SYNE3: variants seen among roughly 807,000 people sequenced by gnomAD.
SYNE3 encodes spectrin repeat containing nuclear envelope family member 3.
In SYNE3, 100 loss-of-function variants were observed where a neutral mutation model predicts 111.2. That is an observed-to-expected ratio of 0.90 (90% confidence interval 0.77 to 1.06). The LOEUF (loss-of-function observed/expected upper bound fraction) is 1.06, where lower values mean the gene tolerates loss of function less well. Ranked by LOEUF, SYNE3 falls within the 50% of genes least tolerant of loss-of-function variation. The pLI is 0.00. For missense variants in SYNE3, 1,160 were observed against 1,240.3 expected (o/e 0.94, Z 0.97); for synonymous variants, 547 against 533.9 (o/e 1.02, Z -0.34).
intron 17 of SYNE3, among the ~76,000 whole-genome samples, chr14:95,421,813 C>T (rs563458925): frequency 9.8e-5 from 15 of 152,326 alleles, no homozygotes; most frequent in East Asian, 7.7e-4. Context: ...AAGACCCTCA[C>T]GTCCTATCGC....
At chr14:95,445,855 T>TGCTCCAGCCCCGTGGCC in intron 9 of SYNE3, 54 bp downstream of exon 9, 2 of 1,588,748 alleles carry the variant, frequency 1.3e-6, no homozygotes, top group South Asian at 2.2e-5. Context: ...CCCCAGTGGG[T>TGCTCCAGCCCCGTGGCC]GCTCCAGCCC....
At position 95,485,122 on chromosome 14, in the gene SYNE3, T is replaced by C. The variant is rs536936899; in HGVS notation, c.-14-9287A>G. ...GAACAGATGATTCTAACCATGGGCGTGAGTGTGTATTTGGCAAATTCATCC... is the reference window on the plus strand; with the variant it reads ...GAACAGATGATTCTAACCATGGGCGCGAGTGTGTATTTGGCAAATTCATCC... On this transcript the variant is annotated intron_variant, in intron 1 of 17. Coordinates refer to ENST00000682763, the MANE Select transcript of SYNE3 (RefSeq NM_152592.6). This position sits in a 1 kb window ranked among gnomAD's most constrained non-coding sequence, Gnocchi z 4.3. 3.4e-3 allele frequency among the ~76,000 whole-genome samples: 514 copies of C among 152,296 alleles called. 2 individuals are homozygous for C. Among genetic ancestry groups the C allele is most frequent in the African/African-American group, 0.012 (491 of 41,562 alleles).
chr14:95,451,298 G>A (rs572210147), intron 7 of SYNE3: 3 of 152,328 alleles, frequency 2.0e-5, no homozygotes, highest in Admixed American at 6.5e-5. Context: ...CCAGGCACCT[G>A]GAAGAAGCAA....
chr14:95,483,102 A>G (rs1365914807), intron 1 of SYNE3, among the ~76,000 whole-genome samples: 10 of 152,064 alleles, frequency 6.6e-5, no homozygotes, highest in East Asian at 1.9e-4. Flanking sequence ...AGGGAAACCA[A>G]CTGAGCCCCC....
At chr14:95,453,043 T>C (rs886970973) in intron 6 of SYNE3, among the ~76,000 whole-genome samples, 46 of 152,190 alleles carry the variant, frequency 3.0e-4, no homozygotes, top group African/African-American at 1.0e-3. Flanking sequence ...AGCCCCTTGC[T>C]TGGCCCTGCT....
At position 95,417,467 on chromosome 14, in the gene SYNE3, G is replaced by A. The variant is rs1049363334; in HGVS notation, c.*359C>T. 2 of 314,640 alleles carry A rather than the reference G, an allele frequency of 6.4e-6. No homozygotes were observed. The highest frequency in any genetic ancestry group is 8.5e-5 in the Admixed American group (2 of 23,540). 19.5% of individuals were successfully genotyped at this position (314,640 alleles called of 1,614,324 possible). A position where few individuals can be genotyped will look rare whatever the true frequency, so the allele number is the denominator to read the frequency against. The stretch of plus-strand genomic sequence containing the variant: ...TTGTTCTTGCTTTCTAGGGTTGACT[G>A]CAGACCAAGTCAACAATACCACAAA... On this transcript the variant is annotated 3_prime_UTR_variant, in exon 18 of 18. Transcript: ENST00000682763.
chr14:95,466,475 T>C (rs1419619472), intron 3 of SYNE3, among the ~76,000 whole-genome samples: 1 of 152,100 alleles, frequency 6.6e-6, no homozygotes, highest in African/African-American at 2.4e-5. Flanking sequence ...TGCGTGAGGG[T>C]AGGAGCCAGG....
chr14:95,429,420 C>A (rs936660003), intron 17 of SYNE3, among the ~76,000 whole-genome samples: 2 of 152,152 alleles, frequency 1.3e-5, no homozygotes, highest in Non-Finnish European at 2.9e-5. Context: ...GGTCCCCAGG[C>A]CCCCAGCAGC....
chr14:95,481,335 A>C (rs1396231019), intron 1 of SYNE3, among the ~76,000 whole-genome samples: 1 of 152,228 alleles, frequency 6.6e-6, no homozygotes, highest in African/African-American at 2.4e-5. Flanking sequence ...GTCAAGGTCC[A>C]ATCAGCAGAG....
chr14:95,468,613 C>T (rs1488437522), intron 2 of SYNE3, among the ~76,000 whole-genome samples: 1 of 152,226 alleles, frequency 6.6e-6, no homozygotes, highest in African/African-American at 2.4e-5. Flanking sequence ...TTAGAACCCA[C>T]AGCTGTCTGA....
chr14:95,449,806 G>A (rs937047375), intron 8 of SYNE3, 125 bp downstream of exon 8: 118 of 1,425,180 alleles, frequency 8.3e-5, no homozygotes, highest in Non-Finnish European at 1.0e-4. Flanking sequence ...CAGACCGGGC[G>A]CAGTGAGCTC....
In SYNE3 at chr14:95,409,423, T is replaced by C. The variant is rs1282541910; in HGVS notation, c.*8403A>G. On this transcript the variant is annotated 3_prime_UTR_variant, in exon 18 of 18. Coordinates refer to ENST00000682763, the MANE Select transcript of SYNE3 (RefSeq NM_152592.6). ...CAGAGGTGCTGGGGATGGGCTGGCC[T>C]GGTGTTCCTGGTTGCTGAGCTCAGA... 2.2e-6 allele frequency: 1 copy of C among 455,028 alleles called. No individual in the cohort carries two copies. Among genetic ancestry groups the C allele is most frequent in the African/African-American group, 2.0e-5 (1 of 50,088 alleles). The allele number at this position is 455,028 out of a possible 1,614,324, so 28.2% of individuals were successfully genotyped here. A position where few individuals can be genotyped will look rare whatever the true frequency, so the allele number is the denominator to read the frequency against.
chr14:95,462,902 G>A (rs1211506158), intron 4 of SYNE3, among the ~76,000 whole-genome samples: 2 of 152,208 alleles, frequency 1.3e-5, no homozygotes, highest in Admixed American at 1.3e-4. Context: ...GCTCACTTCT[G>A]TAATCCCAGC....
At chr14:95,475,613 G>A in intron 2 of SYNE3, 65 bp downstream of exon 2, 3 of 1,345,404 alleles carry the variant, frequency 2.2e-6, no homozygotes, top group Middle Eastern at 2.7e-4. Context: ...GGAAACCTGA[G>A]GTCTGAGGGC....
intron 17 of SYNE3, among the ~76,000 whole-genome samples, chr14:95,422,507 A>G (rs1388500832): frequency 2.0e-5 from 3 of 152,144 alleles, no homozygotes; most frequent in Non-Finnish European, 2.9e-5. Context: ...AGCAATTAGA[A>G]CGACAACAAA....
chr14:95,449,291 GC>G (rs60437071), intron 8 of SYNE3, among the ~76,000 whole-genome samples: 43,360 of 152,064 alleles, frequency 0.29, 6,628 homozygotes, highest in African/African-American at 0.41. Flanking sequence ...CGATGATTGG[GC>G]CAGGAATAAT....
chr14:95,456,114 T>C, intron 5 of SYNE3: 1 of 317,274 alleles, frequency 3.2e-6, no homozygotes, highest in Non-Finnish European at 5.7e-6. Context: ...TATCTACCTA[T>C]TTGGAATTGG....
At chr14:95,469,874 C>T (rs985882850) in intron 2 of SYNE3, among the ~76,000 whole-genome samples, 2 of 151,768 alleles carry the variant, frequency 1.3e-5, no homozygotes, top group South Asian at 2.1e-4. Flanking sequence ...ATACAATAAT[C>T]GTTGATGATG....
intron 11 of SYNE3, 36 bp from the exon 12 acceptor site, chr14:95,440,111 G>T (rs780091369): frequency 6.4e-7 from 1 of 1,555,952 alleles, no homozygotes; most frequent in South Asian, 1.2e-5. Flanking sequence ...GGCATCCTGA[G>T]TGCTGGCCGA....
Sources: gnomAD v4.1 joint callset for allele counts (sites outside exome capture counted in the v4.1 genomes callset) on GRCh38, gnomAD v4.1.1 for gene constraint, Gnocchi (gnomAD v3.1) non-coding constraint, MANE v1.5 for transcripts, NCBI Gene and HGNC (gene_info 2026-07-23, HGNC 2026-07-21) for gene names.